The following SHISA6 variants were observed in gnomAD, a reference collection of about 807,000 sequenced individuals.
SHISA6 encodes the protein protein shisa-6.
A neutral mutation model predicts 47.9 loss-of-function variants in SHISA6; 22 were observed. The observed-to-expected ratio is 0.46, with a 90% confidence interval of 0.33 to 0.66. The LOEUF is 0.66. SHISA6 is among the 30% of genes least tolerant of loss of function. The pLI is 0.02. For missense variants in SHISA6, 680 were observed against 764.6 expected, an observed-to-expected ratio of 0.89 and a Z score of 1.30; for synonymous variants, 388 against 337.8, an observed-to-expected ratio of 1.15 and a Z score of -1.63.
chr17:11,276,850 T>C (rs1010284814), intron 2 of SHISA6, among the ~76,000 whole-genome samples: 7 of 152,216 alleles, frequency 4.6e-5, no homozygotes, highest in African/African-American at 1.7e-4. Flanking sequence ...ATAGGTATCT[T>C]CTCAGTTCAA....
intron 3 of SHISA6, among the ~76,000 whole-genome samples, chr17:11,438,342 C>A (rs542090169): frequency 3.9e-5 from 6 of 152,252 alleles, no homozygotes; most frequent in African/African-American, 1.4e-4. Flanking sequence ...GCTGCCATAA[C>A]AAAATAACAC....
In SHISA6 at chr17:11,423,239, GTATA is replaced by G. The variant is rs71142209; in HGVS notation, c.895+43743_895+43746del. Among the ~76,000 whole-genome samples the G allele has an allele frequency of 1.4e-4, 19 of 134,628 alleles. 1 individual carries two copies. Among genetic ancestry groups the G allele is most frequent in the African/African-American group, 5.1e-4 (19 of 37,116 alleles). 88.3% of individuals were successfully genotyped at this position (134,628 alleles called of 152,430 possible). ...TATGTGTGTGTGTGTGTGTGTGTGT[GTATA>G]TATATATATATAATATATATATATA... On this transcript the variant is annotated intron_variant, in intron 3 of 5. Transcript: ENST00000441885.
chr17:11,532,399 G>A (rs1365419585), intron 3 of SHISA6, among the ~76,000 whole-genome samples: 1 of 152,236 alleles, frequency 6.6e-6, no homozygotes, highest in African/African-American at 2.4e-5. Context: ...TGCCCAGGGA[G>A]CATAGATCCT....
intron 1 of SHISA6, among the ~76,000 whole-genome samples, chr17:11,250,046 G>A (rs1230456614): frequency 6.6e-6 from 1 of 152,212 alleles, no homozygotes; most frequent in Non-Finnish European, 1.5e-5. Context: ...AGGTGGTGGA[G>A]GTCCTAAGAG....
intron 3 of SHISA6, among the ~76,000 whole-genome samples, chr17:11,388,094 G>A (rs1178810613): frequency 6.6e-6 from 1 of 152,180 alleles, no homozygotes; most frequent in African/African-American, 2.4e-5. Flanking sequence ...GACCAACAGT[G>A]GATTGTGGCA....
intron 3 of SHISA6, among the ~76,000 whole-genome samples, chr17:11,463,929 T>A (rs560726190): frequency 3.8e-4 from 58 of 152,208 alleles, no homozygotes; most frequent in Non-Finnish European, 5.9e-4. Flanking sequence ...TTTGTGTGTT[T>A]GTTTTGAGAC....
intron 3 of SHISA6, among the ~76,000 whole-genome samples, chr17:11,464,943 A>AG (rs960409564): frequency 6.6e-6 from 1 of 151,972 alleles, no homozygotes; most frequent in Non-Finnish European, 1.5e-5. Context: ...ACTGATTAAA[A>AG]AAAAAAAAAA....
At chr17:11,404,856 G>A (rs1597496458) in intron 3 of SHISA6, among the ~76,000 whole-genome samples, 1 of 152,246 alleles carries the variant, frequency 6.6e-6, no homozygotes, top group East Asian at 1.9e-4. Flanking sequence ...TACTACAAGA[G>A]GCAATGCAGC....
intron 3 of SHISA6, among the ~76,000 whole-genome samples, chr17:11,478,486 G>A (rs879411716): frequency 0.021 from 1,769 of 83,998 alleles, no homozygotes; most frequent in Non-Finnish European, 0.028. Flanking sequence ...TAGACATGAA[G>A]TCCTTGCCCA....
chr17:11,454,125 C>T (rs944608673), intron 3 of SHISA6, among the ~76,000 whole-genome samples: 3 of 152,146 alleles, frequency 2.0e-5, no homozygotes, highest in Admixed American at 6.5e-5. Flanking sequence ...CTCATTCATT[C>T]GATTTTTAAA....
intron 2 of SHISA6, among the ~76,000 whole-genome samples, chr17:11,308,826 G>A (rs1448368502): frequency 6.6e-6 from 1 of 152,170 alleles, no homozygotes; most frequent in African/African-American, 2.4e-5. Flanking sequence ...GGGAAGAACA[G>A]GCAACCTTTC....
At chr17:11,270,543 G>A (rs543449249) in intron 2 of SHISA6, among the ~76,000 whole-genome samples, 70 of 152,248 alleles carry the variant, frequency 4.6e-4, no homozygotes, top group African/African-American at 1.7e-3. Context: ...TCCAGAAAGG[G>A]CCAGATCGTC....
At chr17:11,399,680 C>T (rs984135058) in intron 3 of SHISA6, among the ~76,000 whole-genome samples, 9 of 152,180 alleles carry the variant, frequency 5.9e-5, no homozygotes, top group Non-Finnish European at 1.3e-4. Flanking sequence ...TCTCGGCCTC[C>T]CAAACTGCTG....
chr17:11,309,286 T>C (rs1199477770), intron 2 of SHISA6, among the ~76,000 whole-genome samples: 1 of 152,248 alleles, frequency 6.6e-6, no homozygotes, highest in Non-Finnish European at 1.5e-5. Flanking sequence ...AAGTGTTTGC[T>C]GGCAGAAGTT....
intron 1 of SHISA6, among the ~76,000 whole-genome samples, chr17:11,249,498 T>C (rs2191086): frequency 0.088 from 13,418 of 152,168 alleles, 614 homozygotes; most frequent in East Asian, 0.18. Context: ...TTAATCATTA[T>C]GTGAAAATAA....
At chr17:11,479,919 A>AT (rs1916170309) in intron 3 of SHISA6, among the ~76,000 whole-genome samples, 1 of 151,920 alleles carries the variant, frequency 6.6e-6, no homozygotes, top group African/African-American at 2.4e-5. Context: ...TTTCTAACCT[A>AT]TATCATTTTC....
chr17:11,483,654 G>T (rs1424523729), intron 3 of SHISA6, among the ~76,000 whole-genome samples: 1 of 151,938 alleles, frequency 6.6e-6, no homozygotes, highest in African/African-American at 2.4e-5. Flanking sequence ...AAATCTAACA[G>T]TCCTAACTAT....
intron 2 of SHISA6, among the ~76,000 whole-genome samples, chr17:11,277,436 C>T (rs1283714226): frequency 6.6e-6 from 1 of 151,986 alleles, no homozygotes; most frequent in African/African-American, 2.4e-5. Flanking sequence ...CTGTAAGTGC[C>T]TTGAGTACAG....
chr17:11,367,545 G>A (rs1912496613), intron 2 of SHISA6, among the ~76,000 whole-genome samples: 1 of 152,218 alleles, frequency 6.6e-6, no homozygotes, highest in Non-Finnish European at 1.5e-5. Context: ...CCCAAGAGGT[G>A]AGGGGCCCTT....
Sources: gnomAD v4.1 joint callset for allele counts (sites outside exome capture counted in the v4.1 genomes callset) on GRCh38, gnomAD v4.1.1 for gene constraint, MANE v1.5 for transcripts, NCBI Gene and HGNC (gene_info 2026-07-23, HGNC 2026-07-21) for gene names.